EHD4: variants seen among roughly 807,000 people sequenced by gnomAD.
EHD4 encodes EH domain-containing protein 4.
EHD4 carries 37 observed loss-of-function variants against 51.0 expected under a neutral mutation model. The observed-to-expected ratio is 0.73, with a 90% CI of 0.56 to 0.95. The LOEUF (loss-of-function observed/expected upper bound fraction) is 0.95, where lower values mean the gene tolerates loss of function less well. Among genes scored for constraint, EHD4 ranks in the 40% least tolerant of loss-of-function variants. EHD4 has a pLI of 0.00. For missense variants in EHD4, 632 were observed against 733.1 expected, an observed-to-expected ratio of 0.86 and a Z score of 1.59; for synonymous variants, 297 against 317.3, an observed-to-expected ratio of 0.94 and a Z score of 0.68.
intron 1 of EHD4, among the ~76,000 whole-genome samples, chr15:41,964,611 CT>C (rs903851656): frequency 7.3e-5 from 11 of 151,672 alleles, no homozygotes; most frequent in African/African-American, 1.2e-4. Context: ...ATCTAAAACA[CT>C]TTTTTTTCCT....
At chr15:41,914,981 A>T (rs1025379018) in intron 4 of EHD4, among the ~76,000 whole-genome samples, 2 of 150,526 alleles carry the variant, frequency 1.3e-5, no homozygotes, top group Non-Finnish European at 3.0e-5. Flanking sequence ...TTTTTTTGTA[A>T]TTTTTTTTGT....
chr15:41,969,233 G>A (rs908795475), intron 1 of EHD4, among the ~76,000 whole-genome samples: 3 of 152,196 alleles, frequency 2.0e-5, no homozygotes, highest in Admixed American at 1.3e-4. Flanking sequence ...TATGAAGGGA[G>A]AAAGTGGAGC....
intron 5 of EHD4, among the ~76,000 whole-genome samples, chr15:41,907,576 G>C (rs1008095718): frequency 6.6e-6 from 1 of 152,178 alleles, no homozygotes; most frequent in Non-Finnish European, 1.5e-5. Context: ...CTGGAGTGCA[G>C]TGGTGCGATC....
In EHD4 at chr15:41,899,876, G is replaced by T. The variant is rs1042370123; in HGVS notation, c.*769C>A. The T allele has an allele frequency of 3.9e-5, 6 of 152,232 alleles. No homozygotes were observed. Among genetic ancestry groups the T allele is most frequent in the Non-Finnish European group, 5.9e-5 (4 of 68,042 alleles). The allele number at this position is 152,232 out of a possible 1,614,324, so 9.4% of individuals were successfully genotyped here. On this transcript the variant is annotated 3_prime_UTR_variant, in exon 6 of 6. Coordinates refer to ENST00000220325, the MANE Select transcript of EHD4 (RefSeq NM_139265.4). ...TCAATGTGATTTGACATGCAAACGG[G>T]AAGTTTTGCCAGGGGTTAATAAAGG... is the stretch of plus-strand genomic sequence containing the variant.
chr15:41,958,087 G>GT (rs1304281004), intron 1 of EHD4, among the ~76,000 whole-genome samples: 3 of 151,302 alleles, frequency 2.0e-5, no homozygotes, highest in African/African-American at 4.8e-5. Context: ...AGGGACTCTA[G>GT]TATTATCTGC....
At position 41,897,248 on chromosome 15, in the gene EHD4, C is replaced by T. The variant is rs1361720380; in HGVS notation, c.*3397G>A. 4.6e-5 allele frequency: 7 copies of T among 152,240 alleles called. No homozygotes were observed. The highest frequency in any genetic ancestry group is 1.0e-4 in the Non-Finnish European group (7 of 68,070). The allele number at this position is 152,240 out of a possible 1,614,324, so 9.4% of individuals were successfully genotyped here. On this transcript the variant is annotated 3_prime_UTR_variant, in exon 6 of 6. Transcript: ENST00000220325. ...CATGGAGAAAATAAACAGTGAAACACTTTCCTCATCTTCAAGGCAATTGTC... is the reference window on the plus strand; with the variant it reads ...CATGGAGAAAATAAACAGTGAAACATTTTCCTCATCTTCAAGGCAATTGTC...
intron 1 of EHD4, among the ~76,000 whole-genome samples, chr15:41,956,959 C>T (rs2067892014): frequency 6.6e-6 from 1 of 152,200 alleles, no homozygotes; most frequent in Admixed American, 6.5e-5. Context: ...GATAAACACC[C>T]TTATATATGT....
At chr15:41,932,616 AAG>A (rs2067706295) in intron 3 of EHD4, among the ~76,000 whole-genome samples, 1 of 152,158 alleles carries the variant, frequency 6.6e-6, no homozygotes, top group South Asian at 2.1e-4. Flanking sequence ...AGATACAAGA[AAG>A]AGGATTATGG....
intron 2 of EHD4, among the ~76,000 whole-genome samples, chr15:41,946,273 G>A (rs1433149936): frequency 1.3e-5 from 2 of 152,198 alleles, no homozygotes; most frequent in East Asian, 1.9e-4. Flanking sequence ...GTCTTCTGAA[G>A]TAAGAGAAGA....
chr15:41,947,002 C>T (rs767124817), intron 2 of EHD4, among the ~76,000 whole-genome samples: 2 of 152,194 alleles, frequency 1.3e-5, no homozygotes, highest in Admixed American at 6.5e-5. Context: ...TTAACTCCAG[C>T]CTTACTGCAG....
intron 4 of EHD4, among the ~76,000 whole-genome samples, chr15:41,915,533 G>A (rs760813565): frequency 2.0e-5 from 3 of 152,148 alleles, no homozygotes; most frequent in Non-Finnish European, 2.9e-5. Context: ...CTCAAATGTT[G>A]CCTCATTTTT....
chr15:41,903,453 T>C (rs919736335), intron 5 of EHD4, among the ~76,000 whole-genome samples: 307 of 144,486 alleles, frequency 2.1e-3, no homozygotes, highest in Non-Finnish European at 3.4e-3. Context: ...TTAACATACA[T>C]ACACACACAC....
intron 3 of EHD4, among the ~76,000 whole-genome samples, chr15:41,936,636 A>G (rs1430816365): frequency 6.6e-6 from 1 of 152,214 alleles, no homozygotes; most frequent in Non-Finnish European, 1.5e-5. Flanking sequence ...TTTTTCATCT[A>G]AAAGTCAAGG....
rs1567241763 is a variant in EHD4, at chr15:41,900,528, GGGGAAACCAAGGCACAGAGA to G, written c.*97_*116del. 1 of 1,085,006 alleles carries G rather than the reference GGGGAAACCAAGGCACAGAGA, an allele frequency of 9.2e-7. No homozygotes were observed. Among genetic ancestry groups the G allele is most frequent in the African/African-American group, 1.6e-5 (1 of 63,006 alleles). 67.2% of individuals were successfully genotyped at this position (1,085,006 alleles called of 1,614,324 possible). ...TGTCCACCCTCCCCATTCTACAGAT[GGGGAAACCAAGGCACAGAGA>G]GGGCAGTGCCTTGCCCAAGGTCATT... is the stretch of plus-strand genomic sequence containing the variant. On this transcript the variant is annotated 3_prime_UTR_variant, in exon 6 of 6. Transcript: ENST00000220325. The surrounding 1 kb of genome is among the most constrained non-coding windows in gnomAD (Gnocchi z 4.8).
chr15:41,957,616 C>T (rs2067896093), intron 1 of EHD4, among the ~76,000 whole-genome samples: 1 of 152,180 alleles, frequency 6.6e-6, no homozygotes, highest in African/African-American at 2.4e-5. Flanking sequence ...AACCTGCAGC[C>T]CCTTTCTCCT....
At chr15:41,919,097 T>G (rs913326955) in intron 4 of EHD4, 113 bp downstream of exon 4, 1 of 1,387,650 alleles carries the variant, frequency 7.2e-7, no homozygotes, top group East Asian at 2.3e-5. Context: ...ACCTAGCGCA[T>G]GTTCATTCCT....
At chr15:41,925,491 T>C (rs79587127) in intron 3 of EHD4, among the ~76,000 whole-genome samples, 3,532 of 152,304 alleles carry the variant, frequency 0.023, 160 homozygotes, top group African/African-American at 0.081. Context: ...TGTGTTTGCA[T>C]GTACTAGTGT....
intron 4 of EHD4, among the ~76,000 whole-genome samples, chr15:41,912,611 C>T (rs1321950851): frequency 6.6e-6 from 1 of 152,136 alleles, no homozygotes; most frequent in Non-Finnish European, 1.5e-5. Flanking sequence ...AGGAGAATAG[C>T]TTGAACCCGG....
intron 3 of EHD4, among the ~76,000 whole-genome samples, chr15:41,937,692 G>A (rs752314886): frequency 2.0e-5 from 3 of 152,156 alleles, no homozygotes; most frequent in African/African-American, 7.2e-5. Flanking sequence ...CTCCTTTCCC[G>A]AGCAAGCTTC....
Sources: gnomAD v4.1 joint callset for allele counts (sites outside exome capture counted in the v4.1 genomes callset) on GRCh38, gnomAD v4.1.1 for gene constraint, Gnocchi (gnomAD v3.1) non-coding constraint, MANE v1.5 for transcripts, NCBI Gene and HGNC (gene_info 2026-07-23, HGNC 2026-07-21) for gene names.